The following SEMA3A variants were observed in gnomAD, a reference collection of about 807,000 sequenced individuals.
The protein encoded by SEMA3A is semaphorin 3A.
SEMA3A carries 29 observed loss-of-function variants against 97.9 expected under a neutral mutation model. The observed-to-expected ratio is 0.30, with a 90% confidence interval of 0.22 to 0.40. The LOEUF (loss-of-function observed/expected upper bound fraction) is 0.40, where lower values mean the gene tolerates loss of function less well. Among genes scored for constraint, SEMA3A ranks in the 10% least tolerant of loss-of-function variants. The probability of loss-of-function intolerance (pLI) is 1.00; values close to 1 mark genes in which losing one functional copy is unlikely to be tolerated. For synonymous variants in SEMA3A, 321 were observed against 323.7 expected, an observed-to-expected ratio of 0.99 and a Z score of 0.09; for missense variants, 763 against 951.3, an observed-to-expected ratio of 0.80 and a Z score of 2.60.
At chr7:84,089,105 G>C (rs185422060) in intron 4 of SEMA3A, among the ~76,000 whole-genome samples, 4 of 151,922 alleles carry the variant, frequency 2.6e-5, no homozygotes, top group Non-Finnish European at 4.4e-5. Context: ...TGGTGAAAAC[G>C]TATATGTAAA....
chr7:84,054,767 G>T (rs1233968670), intron 5 of SEMA3A, among the ~76,000 whole-genome samples: 1 of 147,416 alleles, frequency 6.8e-6, no homozygotes, highest in Non-Finnish European at 1.5e-5. Flanking sequence ...TCCTTTGGAG[G>T]AGGAGAGGCG....
chr7:84,054,196 G>T (rs1298792651), intron 5 of SEMA3A, among the ~76,000 whole-genome samples: 1 of 152,240 alleles, frequency 6.6e-6, no homozygotes. Flanking sequence ...GTGTCTTGGA[G>T]TTGCTCTTCT....
chr7:84,321,872 G>GAAAAAAAAAAAA (rs1156548285), intron 2 of SEMA3A, among the ~76,000 whole-genome samples: 21 of 11,976 alleles, frequency 1.8e-3, no homozygotes, highest in Admixed American at 2.5e-3. Context: ...CGAGACTACG[G>GAAAAAAAAAAAA]AAAAAAAAAA....
At chr7:84,489,887 T>A (rs1438976752) in intron 1 of SEMA3A, among the ~76,000 whole-genome samples, 1 of 152,046 alleles carries the variant, frequency 6.6e-6, no homozygotes, top group Non-Finnish European at 1.5e-5. Flanking sequence ...TAGAATAAGT[T>A]GATATATCCT....
chr7:84,025,201 T>G (rs1259561391), intron 6 of SEMA3A, among the ~76,000 whole-genome samples: 1 of 152,186 alleles, frequency 6.6e-6, no homozygotes, highest in East Asian at 1.9e-4. Flanking sequence ...ACAACTAAGA[T>G]GAACAAAGAC....
intron 1 of SEMA3A, among the ~76,000 whole-genome samples, chr7:84,152,267 C>T (rs1261732511): frequency 2.8e-5 from 4 of 145,358 alleles, no homozygotes; most frequent in Non-Finnish European, 6.1e-5. Context: ...GCATTATTCA[C>T]AATAGCAAAG....
intron 4 of SEMA3A, among the ~76,000 whole-genome samples, chr7:84,067,444 C>G (rs1475354844): frequency 6.6e-6 from 1 of 151,824 alleles, no homozygotes; most frequent in East Asian, 1.9e-4. Flanking sequence ...AACTAAAGAG[C>G]TTCTGCACAG....
At chr7:84,411,548 T>C (rs2116251233) in intron 1 of SEMA3A, among the ~76,000 whole-genome samples, 1 of 144,304 alleles carries the variant, frequency 6.9e-6, no homozygotes, top group Admixed American at 7.2e-5. Flanking sequence ...TTTCTTAAAA[T>C]ATTGACATTT....
intron 1 of SEMA3A, among the ~76,000 whole-genome samples, chr7:84,426,225 T>A (rs1804822264): frequency 6.6e-6 from 1 of 151,658 alleles, no homozygotes; most frequent in South Asian, 2.1e-4. Context: ...AAAAAGCTGT[T>A]GAAGTATAGA....
chr7:84,429,516 T>TATATATATATATATA (rs1554385262), intron 1 of SEMA3A, among the ~76,000 whole-genome samples: 2 of 72,420 alleles, frequency 2.8e-5, no homozygotes, highest in African/African-American at 1.4e-4. Context: ...ATAGAGTTTG[T>TATATATATATATATA]TATATATATA....
chr7:84,460,718 C>A (rs1805813820), intron 1 of SEMA3A, among the ~76,000 whole-genome samples: 1 of 152,140 alleles, frequency 6.6e-6, no homozygotes, highest in Non-Finnish European at 1.5e-5. Flanking sequence ...TTATTATATG[C>A]TTTGCTTTGC....
chr7:84,269,746 A>G (rs909554273), intron 3 of SEMA3A, among the ~76,000 whole-genome samples: 3 of 152,106 alleles, frequency 2.0e-5, no homozygotes, highest in Non-Finnish European at 4.4e-5. Context: ...CATTTTCTAA[A>G]TAATGTTGGT....
chr7:84,167,039 C>T (rs533054691), intron 1 of SEMA3A, among the ~76,000 whole-genome samples: 8 of 46,994 alleles, frequency 1.7e-4, no homozygotes, highest in Non-Finnish European at 4.1e-4. Flanking sequence ...ACGAATACTG[C>T]AAAAACAGTT....
chr7:83,978,742 G>T (rs1393255510), intron 14 of SEMA3A, among the ~76,000 whole-genome samples: 1 of 152,134 alleles, frequency 6.6e-6, no homozygotes, highest in African/African-American at 2.4e-5. Context: ...TGTGAAACAC[G>T]AACTACAAAG....
At chr7:84,104,408 C>G (rs150161810) in intron 4 of SEMA3A, among the ~76,000 whole-genome samples, 2 of 152,026 alleles carry the variant, frequency 1.3e-5, no homozygotes, top group Admixed American at 6.6e-5. Flanking sequence ...CTATTTCTAT[C>G]TGTCACTGTT....
chr7:84,295,283 A>G (rs1800840802), intron 3 of SEMA3A, among the ~76,000 whole-genome samples: 1 of 152,020 alleles, frequency 6.6e-6, no homozygotes. Context: ...TTTTGTTGTT[A>G]AATGAGTGAC....
chr7:84,049,983 C>T (rs10954740), intron 5 of SEMA3A, among the ~76,000 whole-genome samples: 101,257 of 148,602 alleles, frequency 0.68, 34,878 homozygotes, highest in East Asian at 0.84. Context: ...TTTGTTCTTG[C>T]GATAGTTTAC....
intron 1 of SEMA3A, among the ~76,000 whole-genome samples, chr7:84,421,201 G>A (rs1804581375): frequency 6.6e-6 from 1 of 151,928 alleles, no homozygotes; most frequent in South Asian, 2.1e-4. Context: ...ATAAAACCCT[G>A]GAGGCCATAT....
At chr7:84,134,680 CTA>C (rs1401119746) in intron 2 of SEMA3A, 112 bp downstream of exon 2, 1 of 757,690 alleles carries the variant, frequency 1.3e-6, no homozygotes, top group African/African-American at 1.8e-5. Flanking sequence ...AAAAGACAAA[CTA>C]TTAATTCAAA....
Sources: allele counts gnomAD v4.1 joint callset (sites outside exome capture counted in the v4.1 genomes callset), GRCh38; gene constraint gnomAD v4.1.1; transcripts MANE v1.5; gene names NCBI Gene and HGNC (gene_info 2026-07-23, HGNC 2026-07-21).